TCF12: variants seen among roughly 807,000 people sequenced by gnomAD.
The protein encoded by TCF12 is DNA-binding protein HTF4.
Under a neutral mutation model 86.0 loss-of-function variants are expected in TCF12, and 45 were observed. The ratio of observed to expected loss-of-function variants is 0.52; its 90% CI spans 0.41 to 0.67. The LOEUF is 0.67. Among genes scored for constraint, TCF12 ranks in the 30% least tolerant of loss-of-function variants. The pLI is 0.00. For missense variants in TCF12, 881 were observed against 859.9 expected, an observed-to-expected ratio of 1.02 and a Z score of -0.31; for synonymous variants, 330 against 299.6, an observed-to-expected ratio of 1.10 and a Z score of -1.05.
rs2061953832 is a variant in TCF12, at chr15:57,286,919, A to G, written c.*774A>G. ...CTTTGCACATTTACCTTACAGTGGT[A>G]AGCAGAGACCATCTGTGACCATAGC... On this transcript the variant is annotated 3_prime_UTR_variant, in exon 21 of 21. Coordinates refer to ENST00000333725, the MANE Select transcript of TCF12 (RefSeq NM_207037.2). The G allele has an allele frequency of 3.9e-6, 1 of 258,670 alleles. No individual in the cohort carries two copies. The highest frequency in any genetic ancestry group is 7.7e-6 in the Non-Finnish European group (1 of 129,252). The allele number at this position is 258,670 out of a possible 1,614,324, so 16.0% of individuals were successfully genotyped here.
intron 3 of TCF12, among the ~76,000 whole-genome samples, chr15:57,003,755 A>G (rs2064186723): frequency 2.0e-5 from 3 of 152,210 alleles, no homozygotes; most frequent in African/African-American, 7.2e-5. Context: ...AGTTGCATAT[A>G]TTGAATCCGT....
At chr15:57,164,743 C>T (rs1159170006) in intron 5 of TCF12, among the ~76,000 whole-genome samples, 2 of 152,150 alleles carry the variant, frequency 1.3e-5, no homozygotes, top group Non-Finnish European at 2.9e-5. Context: ...TACAATGGCA[C>T]GATCTTGGCT....
At chr15:57,071,530 G>A (rs2069381944) in intron 4 of TCF12, among the ~76,000 whole-genome samples, 1 of 152,118 alleles carries the variant, frequency 6.6e-6, no homozygotes, top group African/African-American at 2.4e-5. Flanking sequence ...AGTTACTCGG[G>A]AGGCTCAGGC....
chr15:56,961,881 G>A (rs1457262175), intron 3 of TCF12, among the ~76,000 whole-genome samples: 4 of 152,006 alleles, frequency 2.6e-5, no homozygotes, highest in East Asian at 1.9e-4. Flanking sequence ...GGTGGCTCAC[G>A]CTTGTAATCC....
chr15:57,276,582 A>C (rs2061405407), intron 19 of TCF12, among the ~76,000 whole-genome samples: 1 of 152,188 alleles, frequency 6.6e-6, no homozygotes, highest in African/African-American at 2.4e-5. Context: ...AATGCCCCGA[A>C]GTTAAAATAC....
chr15:57,232,333 G>T lies in TCF12; in HGVS notation c.728G>T (p.Gly243Val). Residue 243 changes from glycine to valine, a missense_variant, in exon 10 of 21, where the codon GGG becomes GTG. By Grantham distance (109) the Gly-to-Val change is moderately radical. Coordinates refer to ENST00000333725, the MANE Select transcript of TCF12 (RefSeq NM_207037.2). Reference protein sequence around the residue: ...NSSDLWSSSNGMSQPGFGGIL... With the variant: ...NSSDLWSSSNVMSQPGFGGIL... ...TCTGACCTTTGGAGTTCATCAAATG[G>T]GATGAGCCAGCCTGGTTTTGGTGGA... 2 of 1,613,888 alleles carry T rather than the reference G, an allele frequency of 1.2e-6. No homozygotes were observed.
chr15:56,967,239 A>G (rs1951728194), intron 3 of TCF12, among the ~76,000 whole-genome samples: 2 of 152,100 alleles, frequency 1.3e-5, no homozygotes, highest in South Asian at 4.1e-4. Flanking sequence ...ATACCTTGCT[A>G]GTGAACATTG....
intron 4 of TCF12, among the ~76,000 whole-genome samples, chr15:57,066,721 C>A (rs1294747976): frequency 1.3e-5 from 2 of 152,152 alleles, no homozygotes; most frequent in Non-Finnish European, 2.9e-5. Context: ...GCCATTCTAT[C>A]CCTCTCCCAT....
chr15:57,159,885 A>G (rs1726997212), intron 5 of TCF12, among the ~76,000 whole-genome samples: 1 of 152,238 alleles, frequency 6.6e-6, no homozygotes, highest in African/African-American at 2.4e-5. Flanking sequence ...TGTTTCTTGA[A>G]TAGTATCTAT....
chr15:57,197,851 GATGGTA>G, intron 8 of TCF12, 26 bp downstream of exon 8: 1 of 1,610,804 alleles, frequency 6.2e-7, no homozygotes, highest in Non-Finnish European at 8.5e-7. Flanking sequence ...TTTTTAACTT[GATGGTA>G]AACAAACTGA....
At chr15:57,230,823 T>C (rs1428586125) in intron 8 of TCF12, among the ~76,000 whole-genome samples, 2 of 152,074 alleles carry the variant, frequency 1.3e-5, no homozygotes, top group Non-Finnish European at 2.9e-5. Context: ...GATCAGATTT[T>C]GAATCCTGAG....
At chr15:57,182,602 T>G (rs760750524) in intron 6 of TCF12, among the ~76,000 whole-genome samples, 1 of 152,172 alleles carries the variant, frequency 6.6e-6, no homozygotes, top group Non-Finnish European at 1.5e-5. Flanking sequence ...AAAATGGTTA[T>G]TTCTGTGATT....
At chr15:57,184,313 T>A (rs2056538697) in intron 6 of TCF12, among the ~76,000 whole-genome samples, 1 of 152,152 alleles carries the variant, frequency 6.6e-6, no homozygotes, top group Non-Finnish European at 1.5e-5. Flanking sequence ...AGAAAAGTAT[T>A]TTCAAAAACA....
chr15:57,214,302 G>A (rs189375764), intron 8 of TCF12: 1 of 152,298 alleles, frequency 6.6e-6, no homozygotes, highest in East Asian at 1.9e-4. Flanking sequence ...CCTTTTAGAA[G>A]CTTTGTATGA....
intron 3 of TCF12, among the ~76,000 whole-genome samples, chr15:56,985,543 TC>T (rs1160249838): frequency 6.6e-6 from 1 of 152,198 alleles, no homozygotes; most frequent in East Asian, 1.9e-4. Context: ...CTCTACTTTT[TC>T]ATACCAAAGA....
intron 6 of TCF12, among the ~76,000 whole-genome samples, chr15:57,187,098 T>G (rs529977530): frequency 7.9e-5 from 12 of 152,056 alleles, no homozygotes; most frequent in African/African-American, 2.9e-4. Flanking sequence ...AAGAATTGCT[T>G]GAACCTGGAG....
chr15:56,928,790 T>A (rs185611092), intron 3 of TCF12, among the ~76,000 whole-genome samples: 27 of 152,344 alleles, frequency 1.8e-4, no homozygotes, highest in African/African-American at 6.5e-4. Context: ...TCCAGCTACT[T>A]GAAATTCTTT....
rs1272457941 is a variant in TCF12, at chr15:57,289,187, G to A, written c.*3042G>A. The stretch of plus-strand genomic sequence containing the variant: ...CTCTTGGTGAATTATGAAATCCACT[G>A]TTCACATTGGGTGCCTAACAGAACA... On this transcript the variant is annotated 3_prime_UTR_variant, in exon 21 of 21. Coordinates refer to ENST00000333725, the MANE Select transcript of TCF12 (RefSeq NM_207037.2). The A allele has an allele frequency of 6.6e-6, 1 of 152,154 alleles. No homozygotes were observed. The highest frequency in any genetic ancestry group is 1.5e-5 in the Non-Finnish European group (1 of 68,040). The allele number at this position is 152,154 out of a possible 1,614,324, so 9.4% of individuals were successfully genotyped here.
chr15:56,979,919 G>A (rs534133244), intron 3 of TCF12, among the ~76,000 whole-genome samples: 2 of 152,210 alleles, frequency 1.3e-5, no homozygotes, highest in East Asian at 1.9e-4. Flanking sequence ...CCTGTTAATC[G>A]TAACAGTGGA....
Sources: gnomAD v4.1 joint callset for allele counts (sites outside exome capture counted in the v4.1 genomes callset) on GRCh38, gnomAD v4.1.1 for gene constraint, MANE v1.5 for transcripts, NCBI Gene and HGNC (gene_info 2026-07-23, HGNC 2026-07-21) for gene names.